Variants in CSMD3 observed in about 807,000 individuals in gnomAD.
CSMD3 encodes CUB and Sushi multiple domains 3, also known as CUB and sushi domain-containing protein 3.
Under a neutral mutation model 435.2 loss-of-function variants are expected in CSMD3, and 177 were observed. The observed-to-expected ratio is 0.41, with a 90% CI of 0.36 to 0.46. The LOEUF is 0.46. Ranked by LOEUF, CSMD3 falls within the 20% of genes least tolerant of loss-of-function variation. The probability of loss-of-function intolerance (pLI) is 0.34; values close to 1 mark genes in which losing one functional copy is unlikely to be tolerated. For synonymous variants in CSMD3, 1,656 were observed against 1,520.5 expected (o/e 1.09, Z -2.07); for missense variants, 4,265 against 4,504.6 (o/e 0.95, Z 1.52).
chr8:113,066,730 A>G (rs572476817), intron 5 of CSMD3, among the ~76,000 whole-genome samples: 2 of 152,232 alleles, frequency 1.3e-5, no homozygotes, highest in South Asian at 4.1e-4. Flanking sequence ...TTTACAAAGC[A>G]AATTTATAGT....
Position 112,292,531 on chromosome 8 carries a change from A to G in CSMD3, c.8788+6T>C. 6.2e-7 allele frequency: 1 copy of G among 1,613,518 alleles called. No individual in the cohort carries two copies. Among genetic ancestry groups the G allele is most frequent in the Admixed American group, 1.7e-5 (1 of 60,002 alleles). On this transcript the variant is annotated splice_donor_region_variant and intron_variant, in intron 55 of 70. Transcript: ENST00000297405. ...CCACCAAATGGGAATATACTTAGACATTTACCTTTGCACATAGGTGGAGGA... is the reference window on the plus strand; with the variant it reads ...CCACCAAATGGGAATATACTTAGACGTTTACCTTTGCACATAGGTGGAGGA...
At chr8:113,028,821 A>G (rs1329603220) in intron 5 of CSMD3, among the ~76,000 whole-genome samples, 2 of 151,644 alleles carry the variant, frequency 1.3e-5, no homozygotes, top group Admixed American at 1.3e-4. Context: ...AGACATCTTC[A>G]TAATATAAGT....
At chr8:113,219,753 T>A (rs1176157452) in intron 3 of CSMD3, among the ~76,000 whole-genome samples, 1 of 151,438 alleles carries the variant, frequency 6.6e-6, no homozygotes, top group Non-Finnish European at 1.5e-5. Flanking sequence ...GCTATCAAAA[T>A]ATGCCTAAAA....
At chr8:112,435,893 T>C (rs537916767) in intron 32 of CSMD3, among the ~76,000 whole-genome samples, 1 of 152,006 alleles carries the variant, frequency 6.6e-6, no homozygotes, top group Non-Finnish European at 1.5e-5. Context: ...TCTGAAAAGA[T>C]GTTTTCATTT....
chr8:112,771,893 C>T (rs1169490377), intron 13 of CSMD3, among the ~76,000 whole-genome samples: 1 of 152,038 alleles, frequency 6.6e-6, no homozygotes, highest in Non-Finnish European at 1.5e-5. Flanking sequence ...GGAAACGACG[C>T]ATTTCTGAGG....
At chr8:112,731,439 A>G (rs182654700) in intron 13 of CSMD3, among the ~76,000 whole-genome samples, 2 of 152,268 alleles carry the variant, frequency 1.3e-5, no homozygotes, top group Admixed American at 6.5e-5. Context: ...ATCAGTATGG[A>G]TTTTCATGCT....
chr8:112,523,171 A>T (rs564439341), intron 27 of CSMD3, among the ~76,000 whole-genome samples: 2 of 152,028 alleles, frequency 1.3e-5, no homozygotes, highest in South Asian at 4.1e-4. Flanking sequence ...ATACAGTTGG[A>T]TGAGTAATGA....
At chr8:113,135,496 A>G (rs2091395140) in intron 4 of CSMD3, among the ~76,000 whole-genome samples, 1 of 151,856 alleles carries the variant, frequency 6.6e-6, no homozygotes, top group African/African-American at 2.4e-5. Flanking sequence ...ACTCAAAAGA[A>G]TATTTGAGTA....
At chr8:112,512,811 T>A (rs531090827) in intron 28 of CSMD3, among the ~76,000 whole-genome samples, 1 of 152,296 alleles carries the variant, frequency 6.6e-6, no homozygotes, top group Admixed American at 6.5e-5. Context: ...CATTGAAAAC[T>A]GTTTTTAATG....
chr8:112,330,705 C>T (rs1332651645), intron 45 of CSMD3, among the ~76,000 whole-genome samples: 1 of 151,850 alleles, frequency 6.6e-6, no homozygotes, highest in East Asian at 1.9e-4. Flanking sequence ...AATTAGGAGG[C>T]GTATTTGAGA....
intron 32 of CSMD3, among the ~76,000 whole-genome samples, chr8:112,414,288 G>T (rs1202385541): frequency 2.0e-5 from 3 of 152,048 alleles, no homozygotes; most frequent in Non-Finnish European, 2.9e-5. Context: ...AGAGGTAATT[G>T]AATCATGGAG....
chr8:112,550,962 T>C (rs949432987), intron 26 of CSMD3, 89 bp from the exon 27 acceptor site: 1 of 865,212 alleles, frequency 1.2e-6, no homozygotes, highest in South Asian at 1.4e-5. Flanking sequence ...TGCCTTTTAC[T>C]AGATAGTTCT....
chr8:113,222,764 A>T lies in CSMD3; in HGVS notation c.515-48848T>A, dbSNP rs186328063. ...ATTGACCTTTTTATTTTAATCAAGCATAAGAGTTGTGATTGTGATTTTTAT... is the reference window on the plus strand; with the variant it reads ...ATTGACCTTTTTATTTTAATCAAGCTTAAGAGTTGTGATTGTGATTTTTAT... On this transcript the variant is annotated intron_variant, in intron 3 of 70. Coordinates refer to ENST00000297405, the MANE Select transcript of CSMD3 (RefSeq NM_198123.2). Among the ~76,000 whole-genome samples, 7 of 151,248 alleles carry T rather than the reference A, an allele frequency of 4.6e-5. No individual in the cohort carries two copies. In the East Asian group the frequency reaches 1.4e-3, roughly 29 times the overall value.
chr8:112,322,832 T>C (rs1424571079), intron 45 of CSMD3, among the ~76,000 whole-genome samples: 1 of 152,094 alleles, frequency 6.6e-6, no homozygotes, highest in East Asian at 1.9e-4. Flanking sequence ...ATGTAGACTT[T>C]AAGTTACATG....
At chr8:112,535,578 T>C (rs1825993610) in intron 27 of CSMD3, among the ~76,000 whole-genome samples, 1 of 151,944 alleles carries the variant, frequency 6.6e-6, no homozygotes, top group African/African-American at 2.4e-5. Flanking sequence ...ATAAATATTG[T>C]GAAAATGGCC....
At chr8:112,418,485 A>G (rs1812148822) in intron 32 of CSMD3, among the ~76,000 whole-genome samples, 1 of 152,182 alleles carries the variant, frequency 6.6e-6, no homozygotes, top group Non-Finnish European at 1.5e-5. Context: ...CTTATTGTAT[A>G]AATAGCTACA....
rs149031807 is a variant in CSMD3, at chr8:112,981,003, C to A, written c.1031-4855G>T. Among the ~76,000 whole-genome samples the A allele has an allele frequency of 7.9e-3, 1,191 of 151,358 alleles. 15 individuals are homozygous for A. Among genetic ancestry groups the A allele is most frequent in the African/African-American group, 0.027 (1,139 of 41,430 alleles). On this transcript the variant is annotated intron_variant, in intron 6 of 70. Coordinates refer to ENST00000297405, the MANE Select transcript of CSMD3 (RefSeq NM_198123.2). ...TAACTGTTATTAAGTATAAAAATAT[C>A]TTTCTGACTAGGAGAATTTTAAGTA...
In CSMD3 at chr8:113,423,388, A is replaced by G. The variant is rs117355449; in HGVS notation, c.178+13289T>C. Among the ~76,000 whole-genome samples, 234 of 152,194 alleles carry G rather than the reference A, an allele frequency of 1.5e-3. 5 individuals carry two copies. The East Asian group carries it at 0.038, about 25-fold the overall frequency. ...TTCTCTTTTGTGCTAACAGTAAACA[A>G]GCTGACTTGACAGCCTCTCCACTGC... On this transcript the variant is annotated intron_variant, in intron 1 of 70. Transcript: ENST00000297405.
intron 56 of CSMD3, among the ~76,000 whole-genome samples, chr8:112,289,939 C>T (rs1462044615): frequency 6.6e-6 from 1 of 151,964 alleles, no homozygotes; most frequent in Non-Finnish European, 1.5e-5. Context: ...TAAGTAAGGA[C>T]ATAGGACACC....
Sources: allele counts gnomAD v4.1 joint callset (sites outside exome capture counted in the v4.1 genomes callset), GRCh38; gene constraint gnomAD v4.1.1; transcripts MANE v1.5; gene names NCBI Gene and HGNC (gene_info 2026-07-23, HGNC 2026-07-21).